The following LIPI variants were observed in gnomAD, a reference collection of about 807,000 sequenced individuals.
LIPI encodes the protein lipase member I.
A neutral mutation model predicts 50.6 loss-of-function variants in LIPI; 59 were observed. The ratio of observed to expected loss-of-function variants is 1.16; its 90% CI spans 0.94 to 1.45. The LOEUF is 1.45. Among genes scored for constraint, LIPI ranks in the 40% most tolerant of loss-of-function variants. LIPI has a pLI of 0.00. For missense variants in LIPI, 586 were observed against 536.3 expected (o/e 1.09, Z -0.92); for synonymous variants, 203 against 178.2 (o/e 1.14, Z -1.11).
At chr21:14,134,637 A>G (rs1410410362) in intron 9 of LIPI, among the ~76,000 whole-genome samples, 1 of 152,174 alleles carries the variant, frequency 6.6e-6, no homozygotes, top group Non-Finnish European at 1.5e-5. Context: ...TAATAAAGCC[A>G]TACCCTACAA....
In LIPI at chr21:14,136,026, C is replaced by T. The variant is rs1391895197; in HGVS notation, c.1295+8597G>A. Among the ~76,000 whole-genome samples the T allele has an allele frequency of 3.9e-5, 6 of 152,310 alleles. No homozygotes were observed. In the East Asian group the frequency reaches 9.6e-4, roughly 24 times the overall value. The stretch of plus-strand genomic sequence containing the variant: ...TCCTAAGGCCCCGTCTCCCCTGTTC[C>T]AGGCTCTAGCTCCTAGAAAACATTT... On this transcript the variant is annotated intron_variant, in intron 9 of 9. Transcript: ENST00000681601.
At chr21:14,202,047 C>A (rs1321554487) in intron 1 of LIPI, among the ~76,000 whole-genome samples, 1 of 152,074 alleles carries the variant, frequency 6.6e-6, no homozygotes, top group Non-Finnish European at 1.5e-5. Context: ...CAATAACAGA[C>A]AAACAGAGAG....
chr21:14,141,735 C>T (rs1228279992), intron 9 of LIPI, among the ~76,000 whole-genome samples: 1 of 152,130 alleles, frequency 6.6e-6, no homozygotes, highest in Non-Finnish European at 1.5e-5. Context: ...ATCCTTGGTT[C>T]TTTTTACCGT....
At chr21:14,147,845 C>T (rs555805156) in intron 8 of LIPI, among the ~76,000 whole-genome samples, 1 of 152,256 alleles carries the variant, frequency 6.6e-6, no homozygotes, top group Non-Finnish European at 1.5e-5. Context: ...TCTGGAATCT[C>T]CCTTACCCTG....
At chr21:14,168,523 A>T (rs1336090140) in intron 4 of LIPI, among the ~76,000 whole-genome samples, 1 of 152,258 alleles carries the variant, frequency 6.6e-6, no homozygotes, top group Non-Finnish European at 1.5e-5. Context: ...CTCTCGGCAG[A>T]AACTCTACAA....
At chr21:14,193,571 T>G (rs1288690201) in intron 1 of LIPI, among the ~76,000 whole-genome samples, 1 of 152,104 alleles carries the variant, frequency 6.6e-6, no homozygotes, top group Non-Finnish European at 1.5e-5. Context: ...ATGCAAAATG[T>G]AACTAAAAGT....
intron 4 of LIPI, among the ~76,000 whole-genome samples, chr21:14,172,663 C>T (rs535384592): frequency 6.8e-6 from 1 of 146,148 alleles, no homozygotes; most frequent in Non-Finnish European, 1.5e-5. Context: ...GGGAATTGAA[C>T]AATGAGAACA....
rs1170942335 is a variant in LIPI at position 14,171,001 on chromosome 21, A to G, written c.644-4550T>C. ...AGCCCAAAATCTCCTTAAGCTGATAAGCAACTTCAGCAAAGTCTCAGGATA... is the reference window on the plus strand; with the variant it reads ...AGCCCAAAATCTCCTTAAGCTGATAGGCAACTTCAGCAAAGTCTCAGGATA... On this transcript the variant is annotated intron_variant, in intron 4 of 9. Transcript: ENST00000681601. 3.3e-5 allele frequency among the ~76,000 whole-genome samples: 5 copies of G among 151,410 alleles called. No homozygotes were observed. The South Asian group carries it at 8.4e-4, about 25-fold the overall frequency.
intron 9 of LIPI, among the ~76,000 whole-genome samples, chr21:14,114,022 C>CA (rs963237309): frequency 2.0e-5 from 3 of 151,984 alleles, no homozygotes; most frequent in Non-Finnish European, 4.4e-5. Context: ...CCTGTCTCTA[C>CA]AAAAAATTAG....
chr21:14,132,084 A>T (rs541358127), intron 9 of LIPI, among the ~76,000 whole-genome samples: 5 of 152,326 alleles, frequency 3.3e-5, no homozygotes, highest in Non-Finnish European at 7.4e-5. Flanking sequence ...TGAAGTGACC[A>T]AACGTATTAA....
intron 9 of LIPI, 93 bp from the exon 10 acceptor site, chr21:14,109,173 T>TG (rs2016308957): frequency 1.1e-6 from 1 of 934,892 alleles, no homozygotes; most frequent in African/African-American, 1.6e-5. Context: ...GAATAGTCCA[T>TG]GCCTGTAACT....
At chr21:14,123,195 GAA>G (rs2016929006) in intron 9 of LIPI, among the ~76,000 whole-genome samples, 1 of 152,288 alleles carries the variant, frequency 6.6e-6, no homozygotes, top group African/African-American at 2.4e-5. Context: ...AGCATGATAG[GAA>G]AAGACTTTCA....
intron 9 of LIPI, among the ~76,000 whole-genome samples, chr21:14,124,702 G>A (rs2016990399): frequency 6.6e-6 from 1 of 152,212 alleles, no homozygotes; most frequent in Admixed American, 6.5e-5. Flanking sequence ...TTTGTCCGGG[G>A]CTCAGACTTT....
intron 9 of LIPI, among the ~76,000 whole-genome samples, chr21:14,120,623 G>C (rs1347815334): frequency 1.3e-5 from 2 of 152,144 alleles, no homozygotes; most frequent in African/African-American, 4.8e-5. Flanking sequence ...AAATAACAAA[G>C]AAAGAAGAGA....
intron 3 of LIPI, among the ~76,000 whole-genome samples, chr21:14,183,363 A>G (rs957562940): frequency 6.6e-6 from 1 of 152,238 alleles, no homozygotes; most frequent in Non-Finnish European, 1.5e-5. Context: ...TCTTAAAGCG[A>G]TAAAAACCCT....
chr21:14,125,797 C>T (rs1201770797), intron 9 of LIPI, among the ~76,000 whole-genome samples: 5 of 152,024 alleles, frequency 3.3e-5, no homozygotes, highest in Admixed American at 6.6e-5. Context: ...CCTCGTGATC[C>T]GCCCGCCTCC....
intron 1 of LIPI, among the ~76,000 whole-genome samples, chr21:14,201,921 G>T (rs993930811): frequency 2.0e-5 from 3 of 152,146 alleles, no homozygotes; most frequent in African/African-American, 7.2e-5. Flanking sequence ...TGACGTGATT[G>T]TATATCTAGA....
intron 8 of LIPI, among the ~76,000 whole-genome samples, chr21:14,148,711 A>T (rs1470774179): frequency 6.6e-6 from 1 of 152,216 alleles, no homozygotes; most frequent in Middle Eastern, 3.2e-3. Flanking sequence ...TGTCCAAGCA[A>T]TGACAGAATC....
chr21:14,162,915 T>C (rs1266195082), intron 7 of LIPI, among the ~76,000 whole-genome samples: 1 of 151,848 alleles, frequency 6.6e-6, no homozygotes, highest in Admixed American at 6.6e-5. Flanking sequence ...AATTTTGCTT[T>C]CTTTAATACT....
Sources: gnomAD v4.1 joint callset for allele counts (sites outside exome capture counted in the v4.1 genomes callset) on GRCh38, gnomAD v4.1.1 for gene constraint, MANE v1.5 for transcripts, NCBI Gene and HGNC (gene_info 2026-07-23, HGNC 2026-07-21) for gene names.